Variants in KCNIP4 observed in about 807,000 individuals in gnomAD.
KCNIP4 encodes potassium voltage-gated channel interacting protein 4, also known as Kv channel-interacting protein 4.
Under a neutral mutation model 34.0 loss-of-function variants are expected in KCNIP4, and 12 were observed. The ratio of observed to expected loss-of-function variants is 0.35; its 90% CI spans 0.23 to 0.57. KCNIP4 has a LOEUF of 0.57. Among genes scored for constraint, KCNIP4 ranks in the 20% least tolerant of loss-of-function variants. KCNIP4 has a pLI of 0.83. For synonymous variants in KCNIP4, 124 were observed against 102.2 expected (o/e 1.21, Z -1.29); for missense variants, 238 against 311.7 (o/e 0.76, Z 1.78).
intron 3 of KCNIP4, among the ~76,000 whole-genome samples, chr4:20,836,486 T>C (rs565868588): frequency 6.6e-6 from 1 of 152,324 alleles, no homozygotes; most frequent in East Asian, 1.9e-4. Flanking sequence ...TGTGGATTTA[T>C]TTTAAAGAAT....
Position 21,904,921 on chromosome 4 carries a change from A to C in KCNIP4, c.61+43650T>G, listed in dbSNP as rs966772165. ...AGAACTACTGGATTAGAATAAGTAAAGTAACTTGAAAATCACTTAACATAG... is the reference window on the plus strand; with the variant it reads ...AGAACTACTGGATTAGAATAAGTAACGTAACTTGAAAATCACTTAACATAG... On this transcript the variant is annotated intron_variant, in intron 1 of 8. Coordinates refer to ENST00000382152, the MANE Select transcript of KCNIP4 (RefSeq NM_025221.6). Among the ~76,000 whole-genome samples, 3 of 152,166 alleles carry C rather than the reference A, an allele frequency of 2.0e-5. No individual in the cohort carries two copies. In the East Asian group the frequency reaches 5.8e-4, roughly 29 times the overall value.
intron 1 of KCNIP4, among the ~76,000 whole-genome samples, chr4:21,029,908 T>G (rs1273379920): frequency 6.6e-6 from 1 of 152,182 alleles, no homozygotes. Context: ...ACAAAAAACC[T>G]TAGTCTCAAT....
intron 3 of KCNIP4, among the ~76,000 whole-genome samples, chr4:20,769,439 A>T (rs3857162): frequency 2.6e-4 from 40 of 151,938 alleles, no homozygotes; most frequent in Admixed American, 4.6e-4. Context: ...AACTTTATCC[A>T]GAAGACAGTG....
chr4:20,816,189 G>A (rs1431547302), intron 3 of KCNIP4, among the ~76,000 whole-genome samples: 1 of 151,632 alleles, frequency 6.6e-6, no homozygotes, highest in Non-Finnish European at 1.5e-5. Context: ...GGGAGGCAGA[G>A]GTTCCAGTGA....
chr4:21,305,167 G>A (rs541860061), intron 1 of KCNIP4, among the ~76,000 whole-genome samples: 1 of 152,094 alleles, frequency 6.6e-6, no homozygotes, highest in Non-Finnish European at 1.5e-5. Flanking sequence ...AACAAGCTGA[G>A]GACTGAAGAG....
At chr4:20,786,194 A>G (rs1336842040) in intron 3 of KCNIP4, among the ~76,000 whole-genome samples, 1 of 152,180 alleles carries the variant, frequency 6.6e-6, no homozygotes, top group African/African-American at 2.4e-5. Context: ...TCACACAGGA[A>G]CAGAAAACCA....
chr4:21,085,063 T>C (rs1016837606), intron 1 of KCNIP4, among the ~76,000 whole-genome samples: 1 of 152,118 alleles, frequency 6.6e-6, no homozygotes, highest in African/African-American at 2.4e-5. Flanking sequence ...CCACATTGTA[T>C]GGACTCAATG....
At chr4:20,959,125 G>A (rs76190686) in intron 1 of KCNIP4, among the ~76,000 whole-genome samples, 3,207 of 152,264 alleles carry the variant, frequency 0.021, 99 homozygotes, top group African/African-American at 0.072. Context: ...TTGAAAATGA[G>A]GTATTTTTCA....
intron 1 of KCNIP4, among the ~76,000 whole-genome samples, chr4:21,105,568 C>G (rs1298738166): frequency 1.3e-5 from 2 of 151,630 alleles, no homozygotes; most frequent in African/African-American, 4.9e-5. Context: ...TCCTCTTTTC[C>G]TAATTGAATA....
chr4:21,589,137 G>A (rs1289678367), intron 1 of KCNIP4, among the ~76,000 whole-genome samples: 2 of 129,860 alleles, frequency 1.5e-5, no homozygotes, highest in Admixed American at 1.6e-4. Flanking sequence ...GTGCTGTAGG[G>A]GCACAAAAAT....
chr4:21,776,608 G>C (rs370036715), intron 1 of KCNIP4, among the ~76,000 whole-genome samples: 1 of 152,186 alleles, frequency 6.6e-6, no homozygotes, highest in East Asian at 1.9e-4. Context: ...CAAAGATGTT[G>C]ATATGGTTAG....
intron 3 of KCNIP4, among the ~76,000 whole-genome samples, chr4:20,794,074 A>G (rs1713131000): frequency 6.6e-6 from 1 of 152,180 alleles, no homozygotes; most frequent in Admixed American, 6.5e-5. Context: ...GTTGTCATCC[A>G]TGTAAGACGT....
intron 1 of KCNIP4, among the ~76,000 whole-genome samples, chr4:21,543,030 T>C (rs974758731): frequency 5.9e-5 from 9 of 151,954 alleles, no homozygotes; most frequent in Non-Finnish European, 1.2e-4. Context: ...ATATTACAAC[T>C]TACGTTACTA....
intron 1 of KCNIP4, among the ~76,000 whole-genome samples, chr4:21,167,173 G>A (rs139187619): frequency 1.3e-5 from 2 of 152,126 alleles, no homozygotes; most frequent in African/African-American, 4.8e-5. Flanking sequence ...AACACCTCAT[G>A]TAGAAAACAG....
chr4:21,456,054 A>G (rs1728931234), intron 1 of KCNIP4, among the ~76,000 whole-genome samples: 1 of 146,020 alleles, frequency 6.8e-6, no homozygotes, highest in Admixed American at 6.7e-5. Flanking sequence ...TCTGTTGCTT[A>G]ATACGAAGAG....
At chr4:20,913,667 G>A (rs948763321) in intron 1 of KCNIP4, among the ~76,000 whole-genome samples, 7 of 152,274 alleles carry the variant, frequency 4.6e-5, no homozygotes, top group African/African-American at 9.6e-5. Context: ...AGTTCTAGGC[G>A]ATTTAGTGTA....
At chr4:21,948,136 T>C (rs1730604030) in intron 1 of KCNIP4, among the ~76,000 whole-genome samples, 1 of 152,144 alleles carries the variant, frequency 6.6e-6, no homozygotes, top group African/African-American at 2.4e-5. Flanking sequence ...AATACAGTTG[T>C]AATGAAGAAA....
intron 1 of KCNIP4, among the ~76,000 whole-genome samples, chr4:21,188,511 A>T (rs1362090601): frequency 6.6e-6 from 1 of 151,678 alleles, no homozygotes. Flanking sequence ...TGTTTCTAAA[A>T]CATATGGTTT....
intron 1 of KCNIP4, among the ~76,000 whole-genome samples, chr4:21,255,005 A>G (rs1443046509): frequency 1.3e-5 from 2 of 152,106 alleles, no homozygotes; most frequent in African/African-American, 4.8e-5. Flanking sequence ...TGAAATTTCC[A>G]GGGCTATTTG....
Sources: allele counts gnomAD v4.1 joint callset (sites outside exome capture counted in the v4.1 genomes callset), GRCh38; gene constraint gnomAD v4.1.1; transcripts MANE v1.5; gene names NCBI Gene and HGNC (gene_info 2026-07-23, HGNC 2026-07-21).